The following EIF4G1 variants were observed in gnomAD, a reference collection of about 807,000 sequenced individuals.
The protein encoded by EIF4G1 is eukaryotic translation initiation factor 4 gamma 1.
EIF4G1 carries 4 observed loss-of-function variants against 187.8 expected under a neutral mutation model. The ratio of observed to expected loss-of-function variants is 0.02; its 90% CI spans 0.01 to 0.05. The LOEUF (loss-of-function observed/expected upper bound fraction) is 0.05, where lower values mean the gene tolerates loss of function less well. Ranked by LOEUF, EIF4G1 falls within the 10% of genes least tolerant of loss-of-function variation. The probability of loss-of-function intolerance (pLI) is 1.00; values close to 1 mark genes in which losing one functional copy is unlikely to be tolerated. For synonymous variants in EIF4G1, 844 were observed against 781.4 expected (o/e 1.08, Z -1.34); for missense variants, 1,647 against 2,081.1 (o/e 0.79, Z 4.06).
chr3:184,329,142 C>A, intron 28 of EIF4G1, 152 bp downstream of exon 28: 1 of 869,042 alleles, frequency 1.2e-6, no homozygotes. Flanking sequence ...TGAGGTGGGC[C>A]ATCTCCCGCA....
Position 184,325,123 on chromosome 3 carries a change from C to T in EIF4G1, c.2856+9C>T. The T allele has an allele frequency of 1.9e-6, 3 of 1,613,652 alleles. No individual in the cohort carries two copies. Among genetic ancestry groups the T allele is most frequent in the Non-Finnish European group, 1.7e-6 (2 of 1,179,626 alleles). On this transcript the variant is annotated intron_variant, in intron 18 of 32. Coordinates refer to ENST00000346169, the MANE Select transcript of EIF4G1 (RefSeq NM_198241.3). This position sits in a 1 kb window ranked among gnomAD's most constrained non-coding sequence, Gnocchi z 5.2. ...ACTTTGAAAAAGCCAAGGTAGAGGT[C>T]CTTGCATCTGGAGGGGGATGGGCTG...
chr3:184,333,839 G>T (rs138887233), intron 32 of EIF4G1, among the ~76,000 whole-genome samples: 1 of 152,166 alleles, frequency 6.6e-6, no homozygotes, highest in Non-Finnish European at 1.5e-5. Flanking sequence ...GTGCATAATC[G>T]ATTGGATGGG....
chr3:184,328,407 A>G (rs1469257048), intron 26 of EIF4G1: 1 of 681,488 alleles, frequency 1.5e-6, no homozygotes, highest in East Asian at 2.7e-5. Flanking sequence ...AAACCAAAAA[A>G]CAGTATGGGT....
rs908201478 is a variant in EIF4G1 at position 184,335,228 on chromosome 3, ACT to A, written c.*324_*325del. The A allele has an allele frequency of 3.2e-5, 10 of 312,928 alleles. 1 individual carries two copies. The highest frequency in any genetic ancestry group is 2.2e-4 in the South Asian group (6 of 26,966). The allele number at this position is 312,928 out of a possible 1,614,324, so 19.4% of individuals were successfully genotyped here. A position where few individuals can be genotyped will look rare whatever the true frequency, so the allele number is the denominator to read the frequency against. On this transcript the variant is annotated 3_prime_UTR_variant, in exon 33 of 33. Transcript: ENST00000346169. ...TCCTTTTTTTTATTTTCTGAAAATC[ACT>A]CTCGGGACTGCCGTCCTCGCTGCTG...
intron 21 of EIF4G1, 105 bp from the exon 22 acceptor site, chr3:184,326,422 C>T: frequency 1.7e-6 from 2 of 1,184,442 alleles, no homozygotes; most frequent in Non-Finnish European, 1.3e-6. Context: ...GATTTTCTGA[C>T]CCCTGGACTG....
intron 1 of EIF4G1, 168 bp from the exon 2 acceptor site, chr3:184,315,321 G>T: frequency 2.0e-6 from 1 of 502,732 alleles, no homozygotes; most frequent in East Asian, 5.7e-5. Context: ...GTGCCCCTGG[G>T]CCAGGCCCGA....
chr3:184,331,201 G>A, intron 28 of EIF4G1, 65 bp from the exon 29 acceptor site: 1 of 1,528,212 alleles, frequency 6.5e-7, no homozygotes, highest in Non-Finnish European at 9.1e-7. Flanking sequence ...GATTAATGTG[G>A]TAGAGCTGTT....
intron 17 of EIF4G1, 32 bp downstream of exon 17, chr3:184,324,379 C>A: frequency 6.2e-7 from 1 of 1,614,010 alleles, no homozygotes; most frequent in Non-Finnish European, 8.5e-7. Context: ...ATTCCACTCA[C>A]CACTTACCTC....
intron 22 of EIF4G1, 38 bp downstream of exon 22, chr3:184,326,667 C>G: frequency 1.2e-6 from 2 of 1,602,242 alleles, no homozygotes; most frequent in Non-Finnish European, 1.7e-6. Flanking sequence ...GGTTACCCGT[C>G]AGAGCTCCCT....
Position 184,334,813 on chromosome 3 carries a change from C to T in EIF4G1, c.4705C>T (p.Pro1569Ser). The T allele has an allele frequency of 6.2e-7, 1 of 1,614,194 alleles. No homozygotes were observed. The highest frequency in any genetic ancestry group is 2.2e-5 in the East Asian group (1 of 44,880). The change falls in exon 33 of 33, where the codon CCC (proline) becomes TCC (serine). Residue 1569 changes from proline to serine, a missense_variant. Pro to Ser is a moderately conservative substitution (Grantham distance 74). Transcript: ENST00000346169. This position sits in a 1 kb window ranked among gnomAD's most constrained non-coding sequence, Gnocchi z 5.8. The stretch of plus-strand genomic sequence containing the variant: ...CTACAGTTGGGAGAGTAGCAAGGAC[C>T]CCGCTGAGCAGCAGGGCAAGGGTGT... ...AFYSWESSKD[P>S]AEQQGKGVAL...
chr3:184,326,022 GAGA>G lies in EIF4G1; in HGVS notation c.3222+74_3222+76del, dbSNP rs958722374. 1.4e-4 allele frequency: 213 copies of G among 1,508,506 alleles called. 4 individuals are homozygous for G. The Admixed American group carries it at 3.5e-3, about 25-fold the overall frequency. The allele number at this position is 1,508,506 out of a possible 1,614,324, so 93.4% of individuals were successfully genotyped here. A position where few individuals can be genotyped will look rare whatever the true frequency, so the allele number is the denominator to read the frequency against. ...TTAGTCCCTTCACTTTTCTAAAGTT[GAGA>G]AGGTGACAGCTGAATGTTTCCTCTT... is the stretch of plus-strand genomic sequence containing the variant. On this transcript the variant is annotated intron_variant, in intron 21 of 32. Transcript: ENST00000346169.
Position 184,325,945 on chromosome 3 carries a change from C to G in EIF4G1, c.3216C>G (p.Ile1072Met). The stretch of plus-strand genomic sequence containing the variant: ...TTGACACCTCACGACTCACCAAGAT[C>G]ACCAAGGTAGGGGTGTGTGTGGGAG... ...RPIDTSRLTK[I>M]TKPGSIDSNN... The change falls in exon 21 of 33, where the codon ATC becomes ATG. Residue 1072 changes from isoleucine (I) to methionine (M), a missense_variant. By Grantham distance (10) the Ile-to-Met change is conservative. This residue lies in a region of EIF4G1 where 142 missense variants were observed against 296.6 expected (regional missense o/e 0.48). Coordinates refer to ENST00000346169, the MANE Select transcript of EIF4G1 (RefSeq NM_198241.3). The surrounding 1 kb of genome is among the most constrained non-coding windows in gnomAD (Gnocchi z 5.2). The G allele has an allele frequency of 2.5e-6, 4 of 1,614,114 alleles. No homozygotes were observed. Among genetic ancestry groups the G allele is most frequent in the Non-Finnish European group, 3.4e-6 (4 of 1,179,988 alleles).
chr3:184,328,126 G>C (rs1386530649), intron 26 of EIF4G1, 124 bp downstream of exon 26: 1 of 1,169,406 alleles, frequency 8.6e-7, no homozygotes, highest in South Asian at 1.2e-5. Flanking sequence ...GCTTATGCCT[G>C]TAATCCCTGC....
In EIF4G1 at chr3:184,324,337, A is replaced by C. The variant is rs375514524; in HGVS notation, c.2609A>C (p.Glu870Ala). 1.5e-5 allele frequency: 24 copies of C among 1,614,106 alleles called. No individual in the cohort carries two copies. The highest frequency in any genetic ancestry group is 2.0e-5 in the Non-Finnish European group (24 of 1,180,046). ...VFEKKQKEMD[E>A]AATAEERGRL... ...GAGAAGAAGCAAAAAGAGATGGATG[A>C]AGCTGCTACGGTGAGAGAAAACCCA... The change falls in exon 17 of 33, where the codon GAA becomes GCA. Residue 870 changes from glutamate (E) to alanine (A), a missense_variant. Around this residue, in one of 11 missense-constraint regions of EIF4G1, gnomAD observed 40 missense variants for 42.2 expected, o/e 0.95. Transcript: ENST00000346169.
chr3:184,332,666 A>G (rs914900205), intron 32 of EIF4G1, among the ~76,000 whole-genome samples: 6 of 152,158 alleles, frequency 3.9e-5, no homozygotes, highest in African/African-American at 1.4e-4. Flanking sequence ...TCTGAGGGGT[A>G]ATGAGTGGTA....
intron 2 of EIF4G1, 51 bp downstream of exon 2, chr3:184,315,596 G>A (rs1722626145): frequency 2.6e-6 from 2 of 769,056 alleles, no homozygotes. Flanking sequence ...GAAGTGATGC[G>A]GGTTTGACAG....
intron 32 of EIF4G1, 61 bp downstream of exon 32, chr3:184,332,147 A>C (rs1577260998): frequency 6.2e-7 from 1 of 1,611,946 alleles, no homozygotes; most frequent in African/African-American, 1.3e-5. Flanking sequence ...GCAGGGCATG[A>C]GACCCTTCAT....
chr3:184,315,003 C>G (rs1256518804), intron 1 of EIF4G1, among the ~76,000 whole-genome samples: 2 of 151,868 alleles, frequency 1.3e-5, no homozygotes, highest in African/African-American at 2.4e-5. Context: ...CACCACGGCT[C>G]CCGGCCCGCC....
chr3:184,319,506 T>A, intron 6 of EIF4G1, 183 bp from the exon 7 acceptor site: 5 of 571,550 alleles, frequency 8.7e-6, no homozygotes, highest in Non-Finnish European at 1.3e-5. Flanking sequence ...GTAAACGCAG[T>A]TCAGACTGGT....
Sources: allele counts gnomAD v4.1 joint callset (sites outside exome capture counted in the v4.1 genomes callset), GRCh38; gene constraint gnomAD v4.1.1; regional missense constraint gnomAD v4.1.1; non-coding constraint Gnocchi (gnomAD v3.1); transcripts MANE v1.5; gene names NCBI Gene and HGNC (gene_info 2026-07-23, HGNC 2026-07-21).